Variants in RANBP3 observed in about 807,000 individuals in gnomAD.
RANBP3 encodes the protein RAN binding protein 3, also known as ran-binding protein 3.
RANBP3 carries 14 observed loss-of-function variants against 77.3 expected under a neutral mutation model. The observed-to-expected ratio is 0.18, with a 90% CI of 0.12 to 0.28. The LOEUF is 0.28. Ranked by LOEUF, RANBP3 falls within the 10% of genes least tolerant of loss-of-function variation. The pLI is 1.00. For missense variants in RANBP3, 586 were observed against 752.3 expected, an observed-to-expected ratio of 0.78 and a Z score of 2.59; for synonymous variants, 315 against 312.4, an observed-to-expected ratio of 1.01 and a Z score of -0.09.
At chr19:5,941,187 C>T (rs942106289) in intron 5 of RANBP3, among the ~76,000 whole-genome samples, 6 of 152,142 alleles carry the variant, frequency 3.9e-5, no homozygotes, top group Admixed American at 1.3e-4. Context: ...TGTGTACATG[C>T]GTGTGTGTGT....
chr19:5,922,016 G>A (rs1478457582), intron 13 of RANBP3, among the ~76,000 whole-genome samples: 1 of 152,186 alleles, frequency 6.6e-6, no homozygotes, highest in Non-Finnish European at 1.5e-5. Context: ...GACAGGAAGT[G>A]GATCTGTGGC....
At chr19:5,918,078 C>A (rs1210334069) in intron 15 of RANBP3, 98 bp from the exon 16 acceptor site, 9 of 1,351,140 alleles carry the variant, frequency 6.7e-6, no homozygotes, top group Non-Finnish European at 9.0e-6. Flanking sequence ...TCAGAGGTGA[C>A]ACTGCCACAA....
At chr19:5,967,670 C>A (rs192176457) in intron 1 of RANBP3, among the ~76,000 whole-genome samples, 4 of 152,266 alleles carry the variant, frequency 2.6e-5, no homozygotes, top group Admixed American at 1.3e-4. Flanking sequence ...GGGGGCAGAA[C>A]TTGCACTTCT....
rs4807827 is a variant in RANBP3, at chr19:5,958,179, C to T, written c.23-206G>A. Among the ~76,000 whole-genome samples, 1,411 of 152,194 alleles carry T rather than the reference C, an allele frequency of 9.3e-3. 21 individuals carry two copies. The highest frequency in any genetic ancestry group is 0.058 in the South Asian group (280 of 4,818). ...GTGAAATGCACCCAGAATGATGTGA[C>T]GTGTGCCCTCTGCTGTATGCATTTA... On this transcript the variant is annotated intron_variant, in intron 1 of 16. Coordinates refer to ENST00000340578, the MANE Select transcript of RANBP3 (RefSeq NM_007322.3). This position sits in a 1 kb window ranked among gnomAD's most constrained non-coding sequence, Gnocchi z 4.4.
intron 3 of RANBP3, among the ~76,000 whole-genome samples, chr19:5,944,510 A>T (rs1356445161): frequency 1.3e-5 from 2 of 152,244 alleles, no homozygotes; most frequent in African/African-American, 4.8e-5. Context: ...AAGCCTGGGC[A>T]TCTCATGCCT....
intron 5 of RANBP3, among the ~76,000 whole-genome samples, chr19:5,934,779 G>C (rs1419461467): frequency 6.6e-6 from 1 of 152,210 alleles, no homozygotes; most frequent in Admixed American, 6.5e-5. Flanking sequence ...GGTTACAGTT[G>C]AGTTACGACT....
At chr19:5,932,413 T>C in intron 7 of RANBP3, 39 bp downstream of exon 7, 2 of 1,577,198 alleles carry the variant, frequency 1.3e-6, no homozygotes, top group Non-Finnish European at 1.7e-6. Flanking sequence ...CGCTCTACCC[T>C]GCCGTCTGGG....
chr19:5,926,509 C>T (rs2057911921), intron 9 of RANBP3, among the ~76,000 whole-genome samples: 1 of 152,130 alleles, frequency 6.6e-6, no homozygotes, highest in African/African-American at 2.4e-5. Flanking sequence ...AGAGATCATG[C>T]CACTGCACTC....
At chr19:5,928,214 G>T in intron 8 of RANBP3, 127 bp from the exon 9 acceptor site, 3 of 1,167,856 alleles carry the variant, frequency 2.6e-6, no homozygotes, top group Non-Finnish European at 3.6e-6. Context: ...TGCACTCCCA[G>T]CTACTCAGAA....
Position 5,932,547 on chromosome 19 carries a change from A to C in RANBP3, c.473-3T>G. ...CTTGGGCTTCTGGCTTGGCAGACCT[A>C]GGAACAGAAGGCGGCCTTCCCAGTG... On this transcript the variant is annotated splice_polypyrimidine_tract_variant and splice_region_variant and intron_variant, in intron 6 of 16. Transcript: ENST00000340578. The C allele has an allele frequency of 1.2e-6, 2 of 1,613,168 alleles. No individual in the cohort carries two copies. The highest frequency in any genetic ancestry group is 1.7e-6 in the Non-Finnish European group (2 of 1,179,802).
At position 5,924,430 on chromosome 19, in the gene RANBP3, G is replaced by A. The variant is rs1162563765; in HGVS notation, c.996+397C>T. ...TTCGTGCACCCAAGGCCTTGGCCGC[G>A]GTTATGCTCACAGGAGCAGGGAGGC... On this transcript the variant is annotated intron_variant, in intron 11 of 16. Coordinates refer to ENST00000340578, the MANE Select transcript of RANBP3 (RefSeq NM_007322.3). The surrounding 1 kb of genome is among the most constrained non-coding windows in gnomAD (Gnocchi z 4.7). Among the ~76,000 whole-genome samples, 5 of 152,242 alleles carry A rather than the reference G, an allele frequency of 3.3e-5. No homozygotes were observed. The highest frequency in any genetic ancestry group is 6.5e-5 in the Admixed American group (1 of 15,286).
chr19:5,937,748 G>A (rs2058084962), intron 5 of RANBP3, among the ~76,000 whole-genome samples: 1 of 142,754 alleles, frequency 7.0e-6, no homozygotes, highest in Admixed American at 7.2e-5. Context: ...TGCCGCGTCG[G>A]GGCCTGCGAA....
chr19:5,922,475 G>T (rs1183199772), intron 13 of RANBP3, among the ~76,000 whole-genome samples: 2 of 152,230 alleles, frequency 1.3e-5, no homozygotes, highest in East Asian at 3.8e-4. Context: ...GGCCTGAGGA[G>T]CAGGAATGGG....
chr19:5,969,372 C>T (rs754365520), intron 1 of RANBP3, among the ~76,000 whole-genome samples: 2 of 152,180 alleles, frequency 1.3e-5, no homozygotes, highest in African/African-American at 2.4e-5. Flanking sequence ...ACAGATGCAA[C>T]GCAGGAATTA....
intron 1 of RANBP3, among the ~76,000 whole-genome samples, chr19:5,971,760 C>T (rs73923408): frequency 0.018 from 2,813 of 152,222 alleles, 84 homozygotes; most frequent in African/African-American, 0.065. Flanking sequence ...AAGGTTCTAG[C>T]TAAAGAGCAC....
chr19:5,918,387 A>AGGGGGGGGGGGCGGGGGGGGGGGGGG, intron 15 of RANBP3, 109 bp downstream of exon 15: 1 of 529,920 alleles, frequency 1.9e-6, no homozygotes, highest in Non-Finnish European at 3.0e-6. Context: ...AAGCAACTGA[A>AGGGGGGGGGGGCGGGGGGGGGGGGGG]GCCCCTCCCC....
Position 5,951,392 on chromosome 19 carries a change from C to T in RANBP3, c.282+1G>A. ...GGAGTGCCGGGTAGGTGTGGACTTACCCCTGCCAGTTCTCGCGGAAAAGGA... is the reference window on the plus strand; with the variant it reads ...GGAGTGCCGGGTAGGTGTGGACTTATCCCTGCCAGTTCTCGCGGAAAAGGA... On this transcript the variant is annotated splice_donor_variant, in intron 3 of 16. Coordinates refer to ENST00000340578, the MANE Select transcript of RANBP3 (RefSeq NM_007322.3). LOFTEE classifies it high-confidence loss of function. 6.4e-7 allele frequency: 1 copy of T among 1,552,766 alleles called. No homozygotes were observed. The highest frequency in any genetic ancestry group is 8.7e-7 in the Non-Finnish European group (1 of 1,147,832).
chr19:5,923,126 A>G (rs2057848014), intron 13 of RANBP3, 68 bp downstream of exon 13: 3 of 1,278,642 alleles, frequency 2.3e-6, no homozygotes, highest in Non-Finnish European at 3.4e-6. Flanking sequence ...ATGTGGGCCC[A>G]GCCCTTGCGG....
At position 5,921,588 on chromosome 19, in the gene RANBP3, C is replaced by T. The variant is rs527988157; in HGVS notation, c.1210-267G>A. Among the ~76,000 whole-genome samples, 1 of 152,308 alleles carries T rather than the reference C, an allele frequency of 6.6e-6. No individual in the cohort carries two copies. Among genetic ancestry groups the T allele is most frequent in the Admixed American group, 6.5e-5 (1 of 15,302 alleles). On this transcript the variant is annotated intron_variant, in intron 13 of 16. Transcript: ENST00000340578. This position sits in a 1 kb window ranked among gnomAD's most constrained non-coding sequence, Gnocchi z 5.3. ...TCTGCGCACTCTAGGACGGCTATAC[C>T]CATGTGGGGAAGCTGGAACCCTCAC...
Sources: gnomAD v4.1 joint callset for allele counts (sites outside exome capture counted in the v4.1 genomes callset) on GRCh38, gnomAD v4.1.1 for gene constraint, Gnocchi (gnomAD v3.1) non-coding constraint, MANE v1.5 for transcripts, NCBI Gene and HGNC (gene_info 2026-07-23, HGNC 2026-07-21) for gene names.